The following CSMD1 variants were observed in gnomAD, a reference collection of about 807,000 sequenced individuals.
CSMD1 encodes the protein CUB and sushi domain-containing protein 1.
CSMD1 carries 213 observed loss-of-function variants against 417.5 expected under a neutral mutation model. The ratio of observed to expected loss-of-function variants is 0.51; its 90% CI spans 0.46 to 0.57. The LOEUF (loss-of-function observed/expected upper bound fraction) is 0.57, where lower values mean the gene tolerates loss of function less well. CSMD1 is among the 20% of genes least tolerant of loss of function. The pLI is 0.00. For missense variants in CSMD1, 6,923 were observed against 4,529.7 expected, an observed-to-expected ratio of 1.53 and a Z score of -15.17; for synonymous variants, 2,862 against 1,736.8, an observed-to-expected ratio of 1.65 and a Z score of -16.11.
intron 3 of CSMD1, among the ~76,000 whole-genome samples, chr8:4,234,681 G>C (rs761281066): frequency 1.3e-5 from 2 of 152,166 alleles, no homozygotes; most frequent in Non-Finnish European, 2.9e-5. Context: ...ATAAACACTT[G>C]TTAATGAATG....
At chr8:4,875,758 T>G (rs1163917733) in intron 1 of CSMD1, among the ~76,000 whole-genome samples, 1 of 152,080 alleles carries the variant, frequency 6.6e-6, no homozygotes, top group Non-Finnish European at 1.5e-5. Flanking sequence ...CAAGCAACCT[T>G]AAATTCAGAG....
chr8:4,139,086 C>A (rs1249684982), intron 3 of CSMD1, among the ~76,000 whole-genome samples: 4 of 152,128 alleles, frequency 2.6e-5, no homozygotes, highest in Admixed American at 2.0e-4. Flanking sequence ...ATGTCTTTTA[C>A]CGACCACAAC....
chr8:3,727,066 T>C (rs1315319296), intron 6 of CSMD1, among the ~76,000 whole-genome samples: 1 of 152,186 alleles, frequency 6.6e-6, no homozygotes, highest in Non-Finnish European at 1.5e-5. Flanking sequence ...TTTCTCTCTA[T>C]ATAAAGATAA....
chr8:3,772,739 C>T (rs572772995), intron 5 of CSMD1, among the ~76,000 whole-genome samples: 1 of 148,410 alleles, frequency 6.7e-6, no homozygotes, highest in East Asian at 2.0e-4. Context: ...ACATATCAAA[C>T]ATACCTTCAT....
At chr8:4,133,840 G>T (rs1714755) in intron 3 of CSMD1, among the ~76,000 whole-genome samples, 146,332 of 152,200 alleles carry the variant, frequency 0.96, 70,612 homozygotes, top group East Asian at 1. Context: ...ACACACACCT[G>T]CTTTGCAATC....
At position 3,323,981 on chromosome 8, in the gene CSMD1, T is replaced by G. The variant is rs112360870; in HGVS notation, c.3632-15478A>C. Among the ~76,000 whole-genome samples, 873 of 137,386 alleles carry G rather than the reference T, an allele frequency of 6.4e-3. 19 individuals are homozygous for G. The highest frequency in any genetic ancestry group is 0.024 in the African/African-American group (828 of 34,640). 90.1% of individuals were successfully genotyped at this position (137,386 alleles called of 152,430 possible). ...TTTCCTTCACCCCACCTTTCATCAT[T>G]GTTAAAATAGACACACATCTAACCC... On this transcript the variant is annotated intron_variant, in intron 23 of 69. Transcript: ENST00000635120.
intron 25 of CSMD1, among the ~76,000 whole-genome samples, chr8:3,297,036 G>C (rs907009633): frequency 2.6e-5 from 4 of 152,124 alleles, no homozygotes; most frequent in African/African-American, 9.7e-5. Flanking sequence ...GAATAGAAGA[G>C]GACTATGGAT....
At chr8:4,369,290 G>C (rs1021979126) in intron 3 of CSMD1, among the ~76,000 whole-genome samples, 4 of 151,940 alleles carry the variant, frequency 2.6e-5, no homozygotes, top group African/African-American at 7.2e-5. Context: ...ATTTTTGTTT[G>C]TGCTGTTTTA....
chr8:3,599,619 A>G (rs1393609811), intron 8 of CSMD1, among the ~76,000 whole-genome samples: 3 of 152,204 alleles, frequency 2.0e-5, no homozygotes, highest in Non-Finnish European at 4.4e-5. Flanking sequence ...ACTTCATGCT[A>G]TACATCAGAT....
chr8:3,856,232 G>C (rs564045229), intron 5 of CSMD1, among the ~76,000 whole-genome samples: 1 of 151,986 alleles, frequency 6.6e-6, no homozygotes, highest in African/African-American at 2.4e-5. Context: ...TGTTTGTGTA[G>C]CACCTGCTCT....
At chr8:4,098,245 A>T (rs1238240931) in intron 3 of CSMD1, among the ~76,000 whole-genome samples, 1 of 152,188 alleles carries the variant, frequency 6.6e-6, no homozygotes, top group Non-Finnish European at 1.5e-5. Flanking sequence ...TATTACAATA[A>T]ATACAATGTA....
At chr8:3,937,234 A>G (rs943339862) in intron 5 of CSMD1, among the ~76,000 whole-genome samples, 1 of 152,136 alleles carries the variant, frequency 6.6e-6, no homozygotes, top group Non-Finnish European at 1.5e-5. Flanking sequence ...TATTTCATAA[A>G]CTCAGTTAAT....
At chr8:3,041,177 T>C (rs1213761953) in intron 50 of CSMD1, among the ~76,000 whole-genome samples, 1 of 152,160 alleles carries the variant, frequency 6.6e-6, no homozygotes, top group Non-Finnish European at 1.5e-5. Context: ...TTGGACTTAA[T>C]AAAAAGGAAA....
intron 49 of CSMD1, among the ~76,000 whole-genome samples, chr8:3,071,828 G>T (rs1410608734): frequency 6.6e-6 from 1 of 151,974 alleles, no homozygotes; most frequent in Non-Finnish European, 1.5e-5. Context: ...TTTATAATTT[G>T]GTCACCAAAC....
intron 1 of CSMD1, among the ~76,000 whole-genome samples, chr8:4,678,059 A>T (rs1263560890): frequency 6.6e-6 from 1 of 152,204 alleles, no homozygotes; most frequent in Non-Finnish European, 1.5e-5. Context: ...ACACATGGAC[A>T]CACACCCACA....
At chr8:3,586,475 C>T (rs929589836) in intron 8 of CSMD1, among the ~76,000 whole-genome samples, 1 of 151,922 alleles carries the variant, frequency 6.6e-6, no homozygotes, top group Non-Finnish European at 1.5e-5. Flanking sequence ...CCTGTTGTGC[C>T]AGCTTCAGAA....
intron 3 of CSMD1, among the ~76,000 whole-genome samples, chr8:4,314,481 G>T (rs1386706060): frequency 6.6e-6 from 1 of 152,102 alleles, no homozygotes; most frequent in African/African-American, 2.4e-5. Flanking sequence ...TCCGTTCCTT[G>T]AATACCTTTC....
chr8:4,833,580 C>T (rs1448562995), intron 1 of CSMD1, among the ~76,000 whole-genome samples: 2 of 152,158 alleles, frequency 1.3e-5, no homozygotes, highest in African/African-American at 4.8e-5. Flanking sequence ...TGTGATATTC[C>T]AAATGGAGCA....
chr8:3,106,843 G>T (rs1051232956), intron 45 of CSMD1: 2 of 436,242 alleles, frequency 4.6e-6, no homozygotes, highest in Non-Finnish European at 4.1e-6. Context: ...AAGCTTAGCC[G>T]ATATTAGTAC....
Sources: gnomAD v4.1 joint callset for allele counts (sites outside exome capture counted in the v4.1 genomes callset) on GRCh38, gnomAD v4.1.1 for gene constraint, MANE v1.5 for transcripts, NCBI Gene and HGNC (gene_info 2026-07-23, HGNC 2026-07-21) for gene names.